SRBD1: variants seen among roughly 807,000 people sequenced by gnomAD.
The protein encoded by SRBD1 is S1 RNA binding domain 1, also known as S1 RNA-binding domain-containing protein 1.
In SRBD1, 88 loss-of-function variants were observed where a neutral mutation model predicts 115.3. The observed-to-expected ratio is 0.76, with a 90% confidence interval of 0.64 to 0.91. SRBD1 has a LOEUF of 0.91. Among genes scored for constraint, SRBD1 ranks in the 40% least tolerant of loss-of-function variants. The pLI, the probability that SRBD1 is intolerant of heterozygous loss-of-function variation, is 0.00. For synonymous variants in SRBD1, 509 were observed against 407.7 expected (o/e 1.25, Z -2.99); for missense variants, 1,385 against 1,177.4 (o/e 1.18, Z -2.58).
At chr2:45,415,691 GAGGAGA>G (rs1558564985) in intron 18 of SRBD1, among the ~76,000 whole-genome samples, 110 of 2,374 alleles carry the variant, frequency 0.046, 8 homozygotes, top group Non-Finnish European at 0.074. Flanking sequence ...GGGGACGGGA[GAGGAGA>G]GGAGAGGAGA....
At chr2:45,438,877 A>G (rs1668578314) in intron 16 of SRBD1, among the ~76,000 whole-genome samples, 1 of 152,186 alleles carries the variant, frequency 6.6e-6, no homozygotes, top group African/African-American at 2.4e-5. Context: ...AGATGCAAGA[A>G]GCTCAGTGAA....
intron 16 of SRBD1, among the ~76,000 whole-genome samples, chr2:45,465,316 T>C (rs1211800081): frequency 6.6e-6 from 1 of 152,128 alleles, no homozygotes; most frequent in Non-Finnish European, 1.5e-5. Flanking sequence ...GCAACTATCC[T>C]TTTTTTCCTC....
intron 16 of SRBD1, among the ~76,000 whole-genome samples, chr2:45,428,581 A>C (rs13025564): frequency 0.52 from 78,184 of 149,968 alleles, 20,954 homozygotes; most frequent in Non-Finnish European, 0.6. Context: ...TAAATAAATA[A>C]ATACATAAAT....
intron 14 of SRBD1, among the ~76,000 whole-genome samples, chr2:45,521,286 A>AACACACAAAC (rs1553345478): frequency 1.1e-4 from 16 of 146,428 alleles, no homozygotes; most frequent in African/African-American, 3.6e-4. Context: ...CAAAAAGGAA[A>AACACACAAAC]ACACACACAC....
intron 17 of SRBD1, among the ~76,000 whole-genome samples, chr2:45,419,071 G>C (rs532931163): frequency 6.6e-6 from 1 of 152,112 alleles, no homozygotes; most frequent in African/African-American, 2.4e-5. Context: ...TAGTTTGCTT[G>C]GTGTCAAAAG....
intron 16 of SRBD1, among the ~76,000 whole-genome samples, chr2:45,444,550 G>C (rs972769710): frequency 6.6e-6 from 1 of 152,024 alleles, no homozygotes; most frequent in Non-Finnish European, 1.5e-5. Context: ...GCTTTGCTTT[G>C]AATGAATCCT....
rs1197061992 is a variant in SRBD1, at chr2:45,527,215, A to G, written c.1874+19517T>C. ...AGGGGGGCCAGCAAGTTTTAAATCA[A>G]TTCAAATTTCTGAGTGCCAACATGG... On this transcript the variant is annotated intron_variant, in intron 14 of 20. Transcript: ENST00000263736. Among the ~76,000 whole-genome samples, 5 of 151,948 alleles carry G rather than the reference A, an allele frequency of 3.3e-5. No homozygotes were observed. In the East Asian group the frequency reaches 9.6e-4, roughly 29 times the overall value.
At chr2:45,414,933 AGTGT>A (rs1558563949) in intron 18 of SRBD1, among the ~76,000 whole-genome samples, 29 of 112,274 alleles carry the variant, frequency 2.6e-4, no homozygotes, top group East Asian at 6.7e-4. Flanking sequence ...GTACACACAC[AGTGT>A]TATATAGTAT....
At chr2:45,561,554 A>G (rs1293036918) in intron 10 of SRBD1, among the ~76,000 whole-genome samples, 1 of 152,218 alleles carries the variant, frequency 6.6e-6, no homozygotes, top group Non-Finnish European at 1.5e-5. Context: ...TCCTAAAGTT[A>G]CACAGAACTA....
At chr2:45,408,942 G>A (rs981102231) in intron 19 of SRBD1, among the ~76,000 whole-genome samples, 1 of 152,178 alleles carries the variant, frequency 6.6e-6, no homozygotes, top group African/African-American at 2.4e-5. Context: ...AAAGATACTG[G>A]CCGGGTGCAG....
At chr2:45,576,576 T>G (rs1225705751) in intron 7 of SRBD1, among the ~76,000 whole-genome samples, 1 of 152,238 alleles carries the variant, frequency 6.6e-6, no homozygotes, top group Non-Finnish European at 1.5e-5. Context: ...GAGGGAATTT[T>G]CAGTAACAAA....
At chr2:45,537,020 C>G (rs947537182) in intron 14 of SRBD1, among the ~76,000 whole-genome samples, 1 of 152,188 alleles carries the variant, frequency 6.6e-6, no homozygotes, top group African/African-American at 2.4e-5. Flanking sequence ...GAAATGCCCT[C>G]TATTTCCTAT....
At chr2:45,590,484 CCA>C (rs918078132) in intron 4 of SRBD1, among the ~76,000 whole-genome samples, 8 of 152,140 alleles carry the variant, frequency 5.3e-5, no homozygotes, top group Non-Finnish European at 7.4e-5. Flanking sequence ...CCCATAATCC[CCA>C]CGTGTCAAGG....
At chr2:45,499,286 G>A (rs1670554778) in intron 14 of SRBD1, among the ~76,000 whole-genome samples, 2 of 151,928 alleles carry the variant, frequency 1.3e-5, no homozygotes, top group Non-Finnish European at 2.9e-5. Flanking sequence ...GTGGTTATCT[G>A]TATGTCTTCT....
chr2:45,411,822 T>A (rs553365544), intron 19 of SRBD1, among the ~76,000 whole-genome samples: 305 of 152,244 alleles, frequency 2.0e-3, no homozygotes, highest in Non-Finnish European at 3.5e-3. Flanking sequence ...ATCAAAAACA[T>A]AAGATGGGCC....
chr2:45,603,408 C>T (rs1232921919), intron 2 of SRBD1, among the ~76,000 whole-genome samples: 2 of 152,172 alleles, frequency 1.3e-5, no homozygotes, highest in African/African-American at 4.8e-5. Flanking sequence ...TCTCTTTAGC[C>T]CCTTTGACTC....
intron 20 of SRBD1, among the ~76,000 whole-genome samples, chr2:45,391,076 C>T (rs1666984831): frequency 6.6e-6 from 1 of 152,210 alleles, no homozygotes; most frequent in Admixed American, 6.5e-5. Context: ...CTTTCTCTCT[C>T]TCTCTTTTCT....
At chr2:45,596,987 C>G (rs1432372918) in intron 4 of SRBD1, among the ~76,000 whole-genome samples, 3 of 95,386 alleles carry the variant, frequency 3.1e-5, no homozygotes, top group African/African-American at 1.3e-4. Context: ...ACCCACAACC[C>G]TCACACACAC....
At chr2:45,579,109 G>T (rs7585409) in intron 7 of SRBD1, among the ~76,000 whole-genome samples, 31,301 of 151,910 alleles carry the variant, frequency 0.21, 5,630 homozygotes, top group African/African-American at 0.49. Flanking sequence ...AACCAAAGTT[G>T]TCACTCTAAG....
Sources: allele counts gnomAD v4.1 joint callset (sites outside exome capture counted in the v4.1 genomes callset), GRCh38; gene constraint gnomAD v4.1.1; transcripts MANE v1.5; gene names NCBI Gene and HGNC (gene_info 2026-07-23, HGNC 2026-07-21).